Variants in PANK3 observed in about 807,000 individuals in gnomAD.
PANK3 encodes hPanK3.
PANK3 carries 20 observed loss-of-function variants against 39.4 expected under a neutral mutation model. The ratio of observed to expected loss-of-function variants is 0.51; its 90% confidence interval spans 0.36 to 0.74. The LOEUF (loss-of-function observed/expected upper bound fraction) is 0.74. Among genes scored for constraint, PANK3 ranks in the 30% least tolerant of loss-of-function variants. The probability of loss-of-function intolerance (pLI) is 0.00; values close to 1 mark genes in which losing one functional copy is unlikely to be tolerated. For missense variants in PANK3, 265 were observed against 437.0 expected (o/e 0.61, Z 3.51); for synonymous variants, 140 against 157.3 (o/e 0.89, Z 0.82).
intron 1 of PANK3, among the ~76,000 whole-genome samples, chr5:168,576,941 G>A (rs1043842629): frequency 1.3e-5 from 2 of 151,852 alleles, no homozygotes; most frequent in South Asian, 2.1e-4. Context: ...GTGCAGTGGC[G>A]TGATCTCGGC....
rs1330964532 is a variant in PANK3, at chr5:168,549,076, T to C, written c.*8495A>G. Reference sequence around the variant, plus strand: ...CATTAAGATAAACGCCATTCAATTTTAGTTAAAAAATCAGTTTTTTGCTGT... The same window carrying C: ...CATTAAGATAAACGCCATTCAATTTCAGTTAAAAAATCAGTTTTTTGCTGT... On this transcript the variant is annotated 3_prime_UTR_variant, in exon 7 of 7. Coordinates refer to ENST00000239231, the MANE Select transcript of PANK3 (RefSeq NM_024594.4). 10 of 152,248 alleles carry C rather than the reference T, an allele frequency of 6.6e-5. No homozygotes were observed. The highest frequency in any genetic ancestry group is 1.3e-4 in the Non-Finnish European group (9 of 68,038). The allele number at this position is 152,248 out of a possible 1,614,324, so 9.4% of individuals were successfully genotyped here. A position where few individuals can be genotyped will look rare whatever the true frequency, so the allele number is the denominator to read the frequency against.
chr5:168,560,905 C>A, intron 5 of PANK3: 1 of 505,980 alleles, frequency 2.0e-6, no homozygotes, highest in Non-Finnish European at 4.2e-6. Context: ...TCAATGCCTT[C>A]ATAGCCCTGT....
intron 1 of PANK3, among the ~76,000 whole-genome samples, chr5:168,573,417 A>G (rs988747689): frequency 2.1e-5 from 1 of 48,534 alleles, no homozygotes. Context: ...TCAGCAAGGC[A>G]AAAAAAAAAA....
At chr5:168,567,081 T>C (rs1232379278) in intron 2 of PANK3, among the ~76,000 whole-genome samples, 1 of 152,202 alleles carries the variant, frequency 6.6e-6, no homozygotes, top group Non-Finnish European at 1.5e-5. Context: ...TGCTAGGAAT[T>C]GAACCACCAC....
Position 168,551,156 on chromosome 5 carries a change from T to A in PANK3, c.*6415A>T, listed in dbSNP as rs1759267721. 6.6e-6 allele frequency: 1 copy of A among 152,088 alleles called. No homozygotes were observed. The highest frequency in any genetic ancestry group is 6.5e-5 in the Admixed American group (1 of 15,270). 9.4% of individuals were successfully genotyped at this position (152,088 alleles called of 1,614,324 possible). On this transcript the variant is annotated 3_prime_UTR_variant, in exon 7 of 7. Transcript: ENST00000239231. The stretch of plus-strand genomic sequence containing the variant: ...TCAGTAGAAACCAGAAGACAATTAT[T>A]CTCTTAAATATTGAAAAGAGGCAGT...
At chr5:168,572,876 TA>T (rs1417419191) in intron 1 of PANK3, among the ~76,000 whole-genome samples, 1 of 152,032 alleles carries the variant, frequency 6.6e-6, no homozygotes, top group African/African-American at 2.4e-5. Context: ...CGAGTGGGAT[TA>T]GGGGTGGCGT....
At chr5:168,574,667 C>G (rs1008612538) in intron 1 of PANK3, among the ~76,000 whole-genome samples, 1 of 152,090 alleles carries the variant, frequency 6.6e-6, no homozygotes, top group Non-Finnish European at 1.5e-5. Context: ...TTCGGACAAG[C>G]CTGGGCAACA....
At chr5:168,575,370 C>T (rs1011991275) in intron 1 of PANK3, among the ~76,000 whole-genome samples, 10 of 152,200 alleles carry the variant, frequency 6.6e-5, no homozygotes, top group Admixed American at 5.2e-4. Context: ...ACAGCAGAAG[C>T]TATCTAGCCA....
chr5:168,565,620 T>C (rs773190164), intron 3 of PANK3, among the ~76,000 whole-genome samples: 5 of 152,106 alleles, frequency 3.3e-5, no homozygotes, highest in Admixed American at 1.3e-4. Flanking sequence ...AGACTCATTC[T>C]AGATAAAAAT....
At chr5:168,570,168 G>A (rs1456522948) in intron 1 of PANK3, among the ~76,000 whole-genome samples, 1 of 152,076 alleles carries the variant, frequency 6.6e-6, no homozygotes, top group East Asian at 1.9e-4. Context: ...GGATCACGAG[G>A]TCAGGAGATC....
intron 1 of PANK3, among the ~76,000 whole-genome samples, chr5:168,571,538 A>C (rs1201182292): frequency 1.3e-5 from 2 of 152,186 alleles, no homozygotes; most frequent in African/African-American, 4.8e-5. Context: ...TATGACAGAG[A>C]CTCAAAAAGA....
At chr5:168,563,831 A>G in intron 4 of PANK3, 58 bp downstream of exon 4, 3 of 1,463,520 alleles carry the variant, frequency 2.0e-6, no homozygotes, top group East Asian at 4.8e-5. Context: ...TTCCAAAAAC[A>G]TAAGCAACTT....
chr5:168,560,360 C>G (rs1408676460), intron 5 of PANK3, among the ~76,000 whole-genome samples: 1 of 152,194 alleles, frequency 6.6e-6, no homozygotes, highest in Non-Finnish European at 1.5e-5. Flanking sequence ...CTTCAAACCT[C>G]TGCCTAAGAA....
intron 1 of PANK3, among the ~76,000 whole-genome samples, chr5:168,573,674 C>A (rs527819434): frequency 6.2e-5 from 7 of 112,844 alleles, no homozygotes; most frequent in Admixed American, 2.0e-4. Context: ...CCCCTCCCCC[C>A]ACCCCACAAC....
intron 5 of PANK3, among the ~76,000 whole-genome samples, chr5:168,560,328 T>C (rs891024862): frequency 3.3e-5 from 5 of 152,234 alleles, no homozygotes; most frequent in African/African-American, 9.6e-5. Context: ...AATGTCTACA[T>C]GCACAGTTTC....
chr5:168,560,247 T>C (rs753690212), intron 5 of PANK3, among the ~76,000 whole-genome samples: 1 of 152,206 alleles, frequency 6.6e-6, no homozygotes, highest in Non-Finnish European at 1.5e-5. Context: ...GAGACCAAGT[T>C]CTGGATTTAA....
chr5:168,575,204 CTA>C (rs952488762), intron 1 of PANK3, among the ~76,000 whole-genome samples: 2 of 152,168 alleles, frequency 1.3e-5, no homozygotes, highest in Non-Finnish European at 2.9e-5. Context: ...AGCTCTTATT[CTA>C]TGTCTCAAGT....
In PANK3 at chr5:168,579,297, G is replaced by C. The variant is rs750343738; in HGVS notation, c.-14C>G. On this transcript the variant is annotated 5_prime_UTR_variant, in exon 1 of 7. Transcript: ENST00000239231. ...TTTGATCTTCATGGCGTCGGCCCGA[G>C]GGGCGATGGACGGCCTCCGATCCGG... 2.7e-6 allele frequency: 4 copies of C among 1,485,004 alleles called. No homozygotes were observed. Among genetic ancestry groups the C allele is most frequent in the South Asian group, 2.6e-5 (2 of 75,824 alleles). 92.0% of individuals were successfully genotyped at this position (1,485,004 alleles called of 1,614,324 possible). A position where few individuals can be genotyped will look rare whatever the true frequency, so the allele number is the denominator to read the frequency against.
At chr5:168,569,477 C>A (rs564554627) in intron 1 of PANK3, among the ~76,000 whole-genome samples, 185 of 152,024 alleles carry the variant, frequency 1.2e-3, no homozygotes, top group South Asian at 2.1e-3. Context: ...CAGGCGTGAG[C>A]CACCGCGCTC....
Sources: allele counts gnomAD v4.1 joint callset (sites outside exome capture counted in the v4.1 genomes callset), GRCh38; gene constraint gnomAD v4.1.1; transcripts MANE v1.5; gene names NCBI Gene and HGNC (gene_info 2026-07-23, HGNC 2026-07-21).